Variants in TNRC6C observed in about 807,000 individuals in gnomAD.
TNRC6C encodes trinucleotide repeat containing adaptor 6C.
A neutral mutation model predicts 153.7 loss-of-function variants in TNRC6C; 20 were observed. That is an observed-to-expected ratio of 0.13 (90% CI 0.09 to 0.19). TNRC6C has a LOEUF of 0.19. Among genes scored for constraint, TNRC6C ranks in the 10% least tolerant of loss-of-function variants. The probability of loss-of-function intolerance (pLI) is 1.00; values close to 1 mark genes in which losing one functional copy is unlikely to be tolerated. For synonymous variants in TNRC6C, 811 were observed against 841.4 expected (o/e 0.96, Z 0.63); for missense variants, 1,987 against 2,172.0 (o/e 0.91, Z 1.69).
chr17:78,063,234 G>C (rs1388782361), intron 3 of TNRC6C, among the ~76,000 whole-genome samples: 2 of 149,866 alleles, frequency 1.3e-5, no homozygotes, highest in Non-Finnish European at 3.0e-5. Context: ...AACAGAGCAA[G>C]ACTCTGTCTC....
intron 3 of TNRC6C, among the ~76,000 whole-genome samples, chr17:78,058,749 A>G (rs2072707701): frequency 6.6e-6 from 1 of 152,264 alleles, no homozygotes; most frequent in African/African-American, 2.4e-5. Context: ...TCAGAGATGT[A>G]TCTCAGCCAT....
At chr17:78,090,224 G>A (rs1246202068) in intron 13 of TNRC6C, among the ~76,000 whole-genome samples, 1 of 152,142 alleles carries the variant, frequency 6.6e-6, no homozygotes, top group Non-Finnish European at 1.5e-5. Flanking sequence ...GCTATAGTGG[G>A]TCTATGTTCC....
At position 78,075,512 on chromosome 17, in the gene TNRC6C, A is replaced by C; in HGVS notation, c.3060+234A>C. 1 of 552,592 alleles carries C rather than the reference A, an allele frequency of 1.8e-6. No homozygotes were observed. The highest frequency in any genetic ancestry group is 2.7e-5 in the South Asian group (1 of 36,888). The allele number at this position is 552,592 out of a possible 1,614,324, so 34.2% of individuals were successfully genotyped here. A position where few individuals can be genotyped will look rare whatever the true frequency, so the allele number is the denominator to read the frequency against. On this transcript the variant is annotated intron_variant, in intron 8 of 19. Transcript: ENST00000301624. The surrounding 1 kb of genome is among the most constrained non-coding windows in gnomAD (Gnocchi z 4.2). ...GGATTGAAAACTGATTTTCATATTTATTGTGTGAACTTGGCTGGTTATCTG... is the reference window on the plus strand; with the variant it reads ...GGATTGAAAACTGATTTTCATATTTCTTGTGTGAACTTGGCTGGTTATCTG...
chr17:78,006,828 A>ATTTT (rs113977025), intron 1 of TNRC6C, among the ~76,000 whole-genome samples: 2 of 143,914 alleles, frequency 1.4e-5, no homozygotes, highest in Non-Finnish European at 3.0e-5. Flanking sequence ...TTATTTATTT[A>ATTTT]TTTTTTTTTT....
At chr17:77,972,504 T>G (rs1267031320) in intron 1 of TNRC6C, among the ~76,000 whole-genome samples, 5 of 147,592 alleles carry the variant, frequency 3.4e-5, no homozygotes, top group African/African-American at 1.0e-4. Context: ...AGAGCAAGAC[T>G]CTGTCTTAAA....
At chr17:78,028,661 A>G (rs2071994448) in intron 1 of TNRC6C, among the ~76,000 whole-genome samples, 1 of 152,140 alleles carries the variant, frequency 6.6e-6, no homozygotes, top group South Asian at 2.1e-4. Context: ...GGAGCTGACA[A>G]TGTAAAGGGA....
At chr17:78,068,926 G>C (rs890563408) in intron 5 of TNRC6C, among the ~76,000 whole-genome samples, 2 of 152,002 alleles carry the variant, frequency 1.3e-5, no homozygotes, top group African/African-American at 2.4e-5. Flanking sequence ...TCCACATTCA[G>C]CATGACTGAA....
chr17:78,033,407 C>T (rs1001747654), intron 2 of TNRC6C, among the ~76,000 whole-genome samples: 3 of 152,152 alleles, frequency 2.0e-5, no homozygotes, highest in African/African-American at 4.8e-5. Flanking sequence ...CAGTGGCTCA[C>T]GCCTGTAATC....
At chr17:78,048,733 C>A in intron 2 of TNRC6C, 112 bp from the exon 5 acceptor site, 1 of 1,047,352 alleles carries the variant, frequency 9.5e-7, no homozygotes, top group South Asian at 5.1e-5. Context: ...TAGTGTTTGT[C>A]ATTCAGATTT....
In TNRC6C at chr17:78,065,484, C is replaced by G. The variant is rs185149902; in HGVS notation, c.2611+547C>G. 1.7e-3 allele frequency among the ~76,000 whole-genome samples: 256 copies of G among 152,274 alleles called. 2 individuals are homozygous for G. The highest frequency in any genetic ancestry group is 5.8e-3 in the African/African-American group (243 of 41,550). ...AATAAATGCAAAAGTCAAAGCAACC[C>G]CGCATATTATGTTTGATTCTCCTGG... On this transcript the variant is annotated intron_variant, in intron 4 of 19. Coordinates refer to ENST00000301624, the Ensembl canonical transcript of TNRC6C.
At chr17:78,097,485 CAAAG>C (rs1239725258) in intron 16 of TNRC6C, among the ~76,000 whole-genome samples, 1 of 152,174 alleles carries the variant, frequency 6.6e-6, no homozygotes, top group African/African-American at 2.4e-5. Flanking sequence ...CGGGAATTCT[CAAAG>C]AAGCTCATGC....
chr17:78,070,325 C>T (rs752481048), intron 5 of TNRC6C, among the ~76,000 whole-genome samples: 8 of 152,210 alleles, frequency 5.3e-5, no homozygotes, highest in Non-Finnish European at 1.2e-4. Context: ...TATAGAGCTC[C>T]ATATGCTCCA....
At chr17:77,996,516 A>G (rs1183565334) in intron 1 of TNRC6C, among the ~76,000 whole-genome samples, 1 of 152,156 alleles carries the variant, frequency 6.6e-6, no homozygotes, top group African/African-American at 2.4e-5. Flanking sequence ...ATTCCAAGAT[A>G]TGTCTTGATT....
chr17:78,083,300 ACT>A, intron 11 of TNRC6C, 134 bp downstream of exon 13: 10 of 1,243,928 alleles, frequency 8.0e-6, no homozygotes, highest in South Asian at 1.5e-5. Flanking sequence ...AAGTATTTAA[ACT>A]CTTCATGAGT....
At chr17:77,957,792 T>G (rs1040862615), upstream of TNRC6C, among the ~76,000 whole-genome samples, 5 of 152,202 alleles carry the variant, frequency 3.3e-5, no homozygotes, top group East Asian at 7.7e-4. Flanking sequence ...TACCTACCAC[T>G]AATGAATAAT....
At chr17:78,051,478 A>C (rs1218677908) in intron 3 of TNRC6C, 30 bp downstream of exon 5, 5 of 1,248,946 alleles carry the variant, frequency 4.0e-6, no homozygotes, top group Non-Finnish European at 4.1e-6. Flanking sequence ...TTTCTTTACA[A>C]GTAAAAAAAA....
At chr17:78,022,253 T>C (rs2071848637) in intron 1 of TNRC6C, among the ~76,000 whole-genome samples, 2 of 152,232 alleles carry the variant, frequency 1.3e-5, no homozygotes, top group Admixed American at 1.3e-4. Flanking sequence ...AGGAATACTT[T>C]GACTCTTTAA....
chr17:78,000,615 T>TCCCCCC (rs1410836302), upstream of TNRC6C, among the ~76,000 whole-genome samples: 7 of 13,528 alleles, frequency 5.2e-4, no homozygotes, highest in Non-Finnish European at 1.0e-3. Flanking sequence ...TCTTTCTCCC[T>TCCCCCC]CCGCCCCCCC....
exon 3 of TNRC6C, chr17:78,051,423 G>A: frequency 6.5e-7 from 1 of 1,527,604 alleles, no homozygotes; most frequent in Non-Finnish European, 8.8e-7. Flanking sequence ...GTACTCAGCT[G>A]AATCGATCAC....
Sources: gnomAD v4.1 joint callset for allele counts (sites outside exome capture counted in the v4.1 genomes callset) on GRCh38, gnomAD v4.1.1 for gene constraint, Gnocchi (gnomAD v3.1) non-coding constraint, MANE v1.5 for transcripts, NCBI Gene and HGNC (gene_info 2026-07-23, HGNC 2026-07-21) for gene names.